The following GARIN6 variants were observed in gnomAD, a reference collection of about 807,000 sequenced individuals.
The protein encoded by GARIN6 is golgi associated RAB2 interactor family member 6.
the GARIN6 span, chr12:99,648,046 A>C: frequency 7.4e-7 from 1 of 1,346,764 alleles, no homozygotes; most frequent in African/African-American, 1.5e-5. Context: ...TTGGGGACAA[A>C]AAAGAAAGCC....
the GARIN6 span, chr12:99,648,103 A>G: frequency 1.3e-6 from 2 of 1,539,636 alleles, no homozygotes; most frequent in Non-Finnish European, 1.8e-6. Flanking sequence ...CCAAGGAAAC[A>G]GGATGCCCGC....
At chr12:99,648,153 C>T in the GARIN6 span, 3 of 1,585,188 alleles carry the variant, frequency 1.9e-6, no homozygotes, top group Admixed American at 5.1e-5. Context: ...CTGCTGGGAA[C>T]TGTCTTGATT....
the GARIN6 span, chr12:99,648,630 G>T: frequency 1.2e-6 from 2 of 1,614,222 alleles, no homozygotes; most frequent in Non-Finnish European, 1.7e-6. Flanking sequence ...ATCTTCAGCT[G>T]TGTCCTCCAT....
the GARIN6 span, among the ~76,000 whole-genome samples, chr12:99,649,125 T>C: frequency 6.6e-6 from 1 of 152,248 alleles, no homozygotes; most frequent in Admixed American, 6.5e-5. Flanking sequence ...GGCAGGCTGA[T>C]ATGTTGTAGG....
the GARIN6 span, chr12:99,648,302 C>A: frequency 1.9e-6 from 3 of 1,614,190 alleles, no homozygotes; most frequent in Non-Finnish European, 2.5e-6. Flanking sequence ...TTCAGGTATG[C>A]ACCCATGTTT....
At chr12:99,647,831 T>C in the GARIN6 span, 1 of 275,978 alleles carries the variant, frequency 3.6e-6, no homozygotes, top group South Asian at 7.3e-5. Flanking sequence ...CAAAGGCTGT[T>C]GTGAAGTGGA....
At chr12:99,648,176 T>A in the GARIN6 span, 1 of 1,610,096 alleles carries the variant, frequency 6.2e-7, no homozygotes, top group Admixed American at 1.7e-5. Flanking sequence ...AAGGAAGACA[T>A]GGAGGACTGC....
the GARIN6 span, chr12:99,648,608 G>C: frequency 6.2e-7 from 1 of 1,614,162 alleles, no homozygotes; most frequent in South Asian, 1.1e-5. Context: ...CTTGCCACGG[G>C]CCGCTCTTTT....
the GARIN6 span, among the ~76,000 whole-genome samples, chr12:99,649,038 T>C: frequency 6.6e-6 from 1 of 152,200 alleles, no homozygotes; most frequent in African/African-American, 2.4e-5. Context: ...TATCCACAGC[T>C]GTTCATTTTA....
chr12:99,648,070 T>G, the GARIN6 span: 2 of 1,482,988 alleles, frequency 1.3e-6, no homozygotes, highest in Non-Finnish European at 1.8e-6. Context: ...AGAACACGAC[T>G]GCTGGCCCAC....
chr12:99,649,268 C>T, the GARIN6 span: 207 of 1,587,000 alleles, frequency 1.3e-4, no homozygotes, highest in African/African-American at 2.5e-3. Flanking sequence ...ACTGTCTTTG[C>T]TTATTTGTTC....
the GARIN6 span, among the ~76,000 whole-genome samples, chr12:99,648,947 G>A: frequency 6.6e-6 from 1 of 152,306 alleles, no homozygotes; most frequent in African/African-American, 2.4e-5. Flanking sequence ...ATGGTACATT[G>A]AGGAGGTTCC....
the GARIN6 span, chr12:99,649,483 A>G: frequency 9.1e-7 from 1 of 1,093,532 alleles, no homozygotes; most frequent in Non-Finnish European, 1.4e-6. Flanking sequence ...ATGAAGGGGC[A>G]GGGTAGCAAC....
the GARIN6 span, chr12:99,648,089 G>T: frequency 6.6e-7 from 1 of 1,522,788 alleles, no homozygotes; most frequent in Non-Finnish European, 8.8e-7. Context: ...ACCTGCCAGA[G>T]TAGCCAAGGA....
chr12:99,649,448 G>A, the GARIN6 span: 3 of 1,460,750 alleles, frequency 2.1e-6, no homozygotes, highest in African/African-American at 4.2e-5. Flanking sequence ...ACACACCCCT[G>A]CAGTCATAAA....
the GARIN6 span, chr12:99,648,267 A>G: frequency 6.2e-7 from 1 of 1,614,210 alleles, no homozygotes; most frequent in African/African-American, 1.3e-5. Flanking sequence ...TGCAGCGGCA[A>G]CTGTACAAAG....
the GARIN6 span, chr12:99,648,283 T>C: frequency 6.2e-7 from 1 of 1,614,006 alleles, no homozygotes; most frequent in South Asian, 1.1e-5. Context: ...CAAAGGCGAG[T>C]ATACTATATT....
the GARIN6 span, chr12:99,649,493 C>A: frequency 2.1e-6 from 2 of 951,116 alleles, no homozygotes; most frequent in Admixed American, 1.9e-5. Context: ...AGGGTAGCAA[C>A]AGCAGTAGTG....
the GARIN6 span, chr12:99,648,204 C>T: frequency 1.7e-5 from 27 of 1,613,980 alleles, no homozygotes; most frequent in Non-Finnish European, 2.0e-5. Flanking sequence ...TACCGTATTA[C>T]ACGGCCCAAA....
Sources: gnomAD v4.1 joint callset for allele counts (sites outside exome capture counted in the v4.1 genomes callset) on GRCh38, gnomAD v4.1.1 for gene constraint, MANE v1.5 for transcripts, NCBI Gene and HGNC (gene_info 2026-07-23, HGNC 2026-07-21) for gene names.